Variants in ABRAXAS2 observed in about 807,000 individuals in gnomAD.
The protein encoded by ABRAXAS2 is BRISC complex subunit Abraxas 2.
A neutral mutation model predicts 49.0 loss-of-function variants in ABRAXAS2; 23 were observed. That is an observed-to-expected ratio of 0.47 (90% confidence interval 0.34 to 0.66). ABRAXAS2 has a LOEUF of 0.66. ABRAXAS2 is among the 30% of genes least tolerant of loss of function. The pLI is 0.01. For missense variants in ABRAXAS2, 443 were observed against 511.9 expected, an observed-to-expected ratio of 0.87 and a Z score of 1.30; for synonymous variants, 168 against 180.2, an observed-to-expected ratio of 0.93 and a Z score of 0.54.
At chr10:124,809,465 A>C (rs1950770662) in intron 2 of ABRAXAS2, among the ~76,000 whole-genome samples, 1 of 66,716 alleles carries the variant, frequency 1.5e-5, no homozygotes, top group Non-Finnish European at 3.2e-5. Context: ...TTGTATTTTT[A>C]GTAGAGACGG....
At position 124,806,885 on chromosome 10, in the gene ABRAXAS2, TCA is replaced by T; in HGVS notation, c.130_131del (p.Gln44AsnfsTer11). On this transcript the variant is annotated frameshift_variant, in exon 2 of 9. Coordinates refer to ENST00000298492, the MANE Select transcript of ABRAXAS2 (RefSeq NM_032182.4). LOFTEE classifies it high-confidence loss of function. The part of the protein sequence containing the change: ...RQEETFSISD[S>X]QISNTEFLQV... The stretch of plus-strand genomic sequence containing the variant: ...AGAGGAAACGTTTAGCATCAGTGAC[TCA>T]CAAATCAGCAACACAGAATTTCTGC... 6.2e-7 allele frequency: 1 copy of T among 1,612,364 alleles called. No individual in the cohort carries two copies. The highest frequency in any genetic ancestry group is 8.5e-7 in the Non-Finnish European group (1 of 1,179,006).
chr10:124,804,925 GC>G (rs747937961), intron 1 of ABRAXAS2, among the ~76,000 whole-genome samples: 5 of 151,550 alleles, frequency 3.3e-5, no homozygotes, highest in Non-Finnish European at 7.4e-5. Context: ...TGTTGGCCAG[GC>G]TGGTCTCAAA....
chr10:124,806,162 C>T (rs374859247), intron 1 of ABRAXAS2, among the ~76,000 whole-genome samples: 90 of 151,842 alleles, frequency 5.9e-4, no homozygotes, highest in African/African-American at 1.9e-3. Context: ...AAAAATTAGC[C>T]AGGCATGGTG....
rs780509827 is a variant in ABRAXAS2 at position 124,834,932 on chromosome 10, C to T, written c.1209C>T (p.Pro403=). Reference sequence around the variant, plus strand: ...AGGATTCTCGACCCATGGCACATCCCGACGAGGACCCCAGGAACACTCAGA... The same window carrying T: ...AGGATTCTCGACCCATGGCACATCCTGACGAGGACCCCAGGAACACTCAGA... ...HSKDSRPMAH[P]DEDPRNTQTS... The change falls in exon 9 of 9, where the codon CCC becomes CCT. Residue 403 remains proline, a synonymous_variant. Transcript: ENST00000298492. 1.1e-5 allele frequency: 18 copies of T among 1,613,314 alleles called. No individual in the cohort carries two copies. The highest frequency in any genetic ancestry group is 6.6e-5 in the South Asian group (6 of 90,960).
intron 4 of ABRAXAS2, among the ~76,000 whole-genome samples, chr10:124,821,069 A>G (rs1950858368): frequency 1.3e-5 from 2 of 151,600 alleles, no homozygotes; most frequent in Admixed American, 6.6e-5. Context: ...ATGCACCACC[A>G]CACCTGGCTA....
chr10:124,833,006 C>T (rs910333018), intron 8 of ABRAXAS2, among the ~76,000 whole-genome samples: 2 of 151,090 alleles, frequency 1.3e-5, no homozygotes, highest in Non-Finnish European at 2.9e-5. Flanking sequence ...ATTAGCTGGG[C>T]GTGGTGGCAG....
intron 2 of ABRAXAS2, among the ~76,000 whole-genome samples, chr10:124,812,176 T>C (rs1241654159): frequency 1.3e-5 from 2 of 152,222 alleles, no homozygotes; most frequent in Admixed American, 6.5e-5. Flanking sequence ...TTTGTAGATA[T>C]GGAGAAGTAA....
chr10:124,819,530 A>G, intron 4 of ABRAXAS2, 80 bp downstream of exon 4: 1 of 1,277,222 alleles, frequency 7.8e-7, no homozygotes, highest in Non-Finnish European at 1.1e-6. Context: ...GGAATGTAAA[A>G]TGGAACAATA....
At chr10:124,807,039 G>GTGAGCCAC in intron 2 of ABRAXAS2, 118 bp downstream of exon 2, 1 of 777,598 alleles carries the variant, frequency 1.3e-6, no homozygotes, top group Non-Finnish European at 2.1e-6. Context: ...TATGCCAGGC[G>GTGAGCCAC]CGGTGGCTCA....
chr10:124,820,403 C>T (rs1022382721), intron 4 of ABRAXAS2, among the ~76,000 whole-genome samples: 21 of 152,106 alleles, frequency 1.4e-4, no homozygotes, highest in South Asian at 8.3e-4. Context: ...CTTAGCAGCC[C>T]GTCCCTCATC....
At chr10:124,809,910 G>A (rs1481977974) in intron 2 of ABRAXAS2, among the ~76,000 whole-genome samples, 1 of 151,700 alleles carries the variant, frequency 6.6e-6, no homozygotes, top group Non-Finnish European at 1.5e-5. Flanking sequence ...GCGCCACCAT[G>A]CCCGGCTAAT....
At position 124,828,887 on chromosome 10, in the gene ABRAXAS2, G is replaced by A; in HGVS notation, c.578+12G>A. The A allele has an allele frequency of 1.2e-6, 2 of 1,609,884 alleles. No individual in the cohort carries two copies. The highest frequency in any genetic ancestry group is 1.1e-5 in the South Asian group (1 of 90,546). On this transcript the variant is annotated intron_variant, in intron 6 of 8. Transcript: ENST00000298492. The stretch of plus-strand genomic sequence containing the variant: ...ATTAAAGAACATGGGTAAGTTGAAA[G>A]GTAAAGTGCTAGTTTTTTCTTTTGT...
chr10:124,803,914 C>T (rs1336462638), intron 1 of ABRAXAS2, among the ~76,000 whole-genome samples: 1 of 152,128 alleles, frequency 6.6e-6, no homozygotes, highest in African/African-American at 2.4e-5. Context: ...ACATAGAAAC[C>T]ATTTTTAGCT....
intron 5 of ABRAXAS2, among the ~76,000 whole-genome samples, chr10:124,826,999 C>T (rs544286843): frequency 4.8e-4 from 72 of 149,340 alleles, no homozygotes; most frequent in African/African-American, 1.6e-3. Flanking sequence ...GAGGCTGAGG[C>T]AGAAGAATCG....
chr10:124,823,210 A>G (rs1037333708), intron 4 of ABRAXAS2, among the ~76,000 whole-genome samples: 6 of 152,216 alleles, frequency 3.9e-5, no homozygotes, highest in African/African-American at 1.4e-4. Context: ...GATGATATAT[A>G]ACACTTAGAT....
At chr10:124,811,476 C>T (rs918554642) in intron 2 of ABRAXAS2, among the ~76,000 whole-genome samples, 1 of 151,830 alleles carries the variant, frequency 6.6e-6, no homozygotes, top group Non-Finnish European at 1.5e-5. Flanking sequence ...GCCTGTAATC[C>T]CAGCACTTTG....
chr10:124,829,756 G>C (rs1175309010), intron 7 of ABRAXAS2, among the ~76,000 whole-genome samples: 10 of 152,192 alleles, frequency 6.6e-5, no homozygotes, highest in African/African-American at 1.2e-4. Flanking sequence ...AATGTAGAAA[G>C]GCTTGCTAAG....
At chr10:124,830,552 A>G (rs1393293744) in intron 7 of ABRAXAS2, among the ~76,000 whole-genome samples, 5 of 152,206 alleles carry the variant, frequency 3.3e-5, no homozygotes, top group Non-Finnish European at 7.3e-5. Flanking sequence ...GGGCAAAGGG[A>G]GAAGCATGCA....
Position 124,828,829 on chromosome 10 carries a change from G to A in ABRAXAS2, c.532G>A (p.Val178Met). The A allele has an allele frequency of 6.2e-7, 1 of 1,613,922 alleles. No homozygotes were observed. Among genetic ancestry groups the A allele is most frequent in the Non-Finnish European group, 8.5e-7 (1 of 1,179,864 alleles). ...TSQQEYKVSS[V>M]PNTSQSYAKV... is the part of the protein sequence containing the mutation. ...CCAGCAAGAGTACAAAGTGTCTTCA[G>A]TGCCAAATACTTCTCAGAGTTATGC... Residue 178 changes from valine (V) to methionine (M), a missense_variant, in exon 6 of 9, where the codon GTG (valine) becomes ATG (methionine). Val to Met is a conservative substitution (Grantham distance 21, BLOSUM62 1). Transcript: ENST00000298492.
Sources: allele counts gnomAD v4.1 joint callset (sites outside exome capture counted in the v4.1 genomes callset), GRCh38; gene constraint gnomAD v4.1.1; transcripts MANE v1.5; gene names NCBI Gene and HGNC (gene_info 2026-07-23, HGNC 2026-07-21).